Variants in PAN3 observed in about 807,000 individuals in gnomAD.
PAN3 encodes PAN2-PAN3 deadenylation complex subunit PAN3.
Under a neutral mutation model 96.2 loss-of-function variants are expected in PAN3, and 19 were observed. That is an observed-to-expected ratio of 0.20 (90% CI 0.14 to 0.29). The LOEUF (loss-of-function observed/expected upper bound fraction) is 0.29. Among genes scored for constraint, PAN3 ranks in the 10% least tolerant of loss-of-function variants. PAN3 has a pLI of 1.00. For synonymous variants in PAN3, 433 were observed against 406.6 expected (o/e 1.06, Z -0.78); for missense variants, 882 against 1,108.1 (o/e 0.80, Z 2.90).
Position 28,194,360 on chromosome 13 carries a change from G to T in PAN3, c.691-2825G>T, listed in dbSNP as rs1394638534. Among the ~76,000 whole-genome samples the T allele has an allele frequency of 2.7e-5, 4 of 149,396 alleles. No individual in the cohort carries two copies. In the East Asian group the frequency reaches 5.8e-4, roughly 22 times the overall value. On this transcript the variant is annotated intron_variant, in intron 4 of 18. Transcript: ENST00000380958. ...TGTTGAACTTTCCTGATAGAACAAG[G>T]TTAATTTTAGCTCAGAAATTTTCTT...
chr13:28,267,535 AGTT>A, intron 12 of PAN3, 134 bp downstream of exon 12: 2 of 729,030 alleles, frequency 2.7e-6, no homozygotes, highest in South Asian at 3.9e-5. Context: ...ATTTTGTACT[AGTT>A]GTTTTCATGT....
Position 28,262,136 on chromosome 13 carries a change from T to C in PAN3, c.1411+678T>C, listed in dbSNP as rs78257645. ...TTTCTCACAAACATCCTGTGACATA[T>C]TATTTTCATTTCCATTTTACATATG... On this transcript the variant is annotated intron_variant, in intron 9 of 18. Transcript: ENST00000380958. Among the ~76,000 whole-genome samples the C allele has an allele frequency of 9.0e-4, 137 of 152,308 alleles. 3 individuals carry two copies. In the East Asian group the frequency reaches 0.02, roughly 22 times the overall value.
At chr13:28,200,975 G>A (rs893232878) in intron 5 of PAN3, among the ~76,000 whole-genome samples, 1 of 151,778 alleles carries the variant, frequency 6.6e-6, no homozygotes, top group African/African-American at 2.4e-5. Context: ...AAATCCAGCA[G>A]TTTTATTGAG....
At chr13:28,174,435 C>A (rs771018812) in intron 2 of PAN3, 42 bp downstream of exon 2, 2 of 1,593,812 alleles carry the variant, frequency 1.3e-6, no homozygotes, top group African/African-American at 2.7e-5. Flanking sequence ...GAAGTTTATT[C>A]TAGGGCCAGA....
At chr13:28,243,844 A>G (rs976770357) in intron 6 of PAN3, among the ~76,000 whole-genome samples, 1 of 151,970 alleles carries the variant, frequency 6.6e-6, no homozygotes, top group Admixed American at 6.6e-5. Context: ...GTGCGCCACC[A>G]CGCCCAACTA....
rs140751273 is a variant in PAN3 at position 28,267,551 on chromosome 13, C to T, written c.1792+150C>T. 2.1e-3 allele frequency: 1,415 copies of T among 670,926 alleles called. 15 individuals carry two copies. The East Asian group carries it at 0.026, about 12-fold the overall frequency. The allele number at this position is 670,926 out of a possible 1,614,324, so 41.6% of individuals were successfully genotyped here. On this transcript the variant is annotated intron_variant, in intron 12 of 18. Coordinates refer to ENST00000380958, the MANE Select transcript of PAN3 (RefSeq NM_175854.8). ...TTTTGTACTAGTTGTTTTCATGTTC[C>T]TGATAAAGACATACCCGAGACTGGG...
chr13:28,187,028 G>A (rs977630793), intron 4 of PAN3, among the ~76,000 whole-genome samples: 5 of 151,812 alleles, frequency 3.3e-5, no homozygotes, highest in Non-Finnish European at 5.9e-5. Flanking sequence ...GGTAAGACCC[G>A]TCTTTAAAAA....
chr13:28,141,759 C>T lies in PAN3; in HGVS notation c.430+2672C>T, dbSNP rs895033562. 5.9e-5 allele frequency among the ~76,000 whole-genome samples: 9 copies of T among 152,070 alleles called. No homozygotes were observed. In the Middle Eastern group the frequency reaches 0.01, roughly 172 times the overall value. On this transcript the variant is annotated intron_variant, in intron 1 of 18. Transcript: ENST00000380958. ...ACTGGCGGGAGCCACCGCACCTGGC[C>T]GAGGATTTTCTAATTAACACACAAT...
At chr13:28,189,612 T>G (rs1178566172) in intron 4 of PAN3, among the ~76,000 whole-genome samples, 1 of 152,176 alleles carries the variant, frequency 6.6e-6, no homozygotes, top group African/African-American at 2.4e-5. Flanking sequence ...GCTGAATTTT[T>G]AAACCCCTAC....
intron 1 of PAN3, among the ~76,000 whole-genome samples, chr13:28,139,903 G>A (rs1442174716): frequency 6.6e-6 from 1 of 152,080 alleles, no homozygotes; most frequent in Non-Finnish European, 1.5e-5. Flanking sequence ...CTTGGGTGGG[G>A]ACATCTTAAG....
intron 4 of PAN3, among the ~76,000 whole-genome samples, chr13:28,196,505 G>C (rs757671349): frequency 6.0e-5 from 9 of 150,068 alleles, no homozygotes; most frequent in Non-Finnish European, 8.9e-5. Flanking sequence ...TTATCAATCT[G>C]TTCATATTAT....
At chr13:28,152,600 CAA>C (rs971899614) in intron 1 of PAN3, among the ~76,000 whole-genome samples, 3 of 149,858 alleles carry the variant, frequency 2.0e-5, no homozygotes, top group African/African-American at 7.4e-5. Flanking sequence ...AACCAAAAAA[CAA>C]AAAAAAATGT....
chr13:28,194,466 ATTT>A (rs1284832933), intron 4 of PAN3, among the ~76,000 whole-genome samples: 10 of 122,112 alleles, frequency 8.2e-5, no homozygotes, highest in African/African-American at 3.6e-4. Flanking sequence ...ATATATATAT[ATTT>A]TTTTTTTTTT....
Position 28,141,008 on chromosome 13 carries a change from T to TATTTTTTA in PAN3, c.430+1921_430+1922insATTTTTTA, listed in dbSNP as rs201496284. On this transcript the variant is annotated intron_variant, in intron 1 of 18. Transcript: ENST00000380958. ...CTTACTGACAGAAAGAGACACTTTT[T>TATTTTTTA]TTTTTTTTTTTTTTGAGACGGAGGC... is the stretch of plus-strand genomic sequence containing the variant. Among the ~76,000 whole-genome samples the TATTTTTTA allele has an allele frequency of 1.1e-3, 144 of 128,604 alleles. 1 individual carries two copies. The highest frequency in any genetic ancestry group is 3.7e-3 in the African/African-American group (132 of 35,514). 84.4% of individuals were successfully genotyped at this position (128,604 alleles called of 152,430 possible).
chr13:28,239,711 C>G, intron 6 of PAN3: 1 of 1,257,330 alleles, frequency 8.0e-7, no homozygotes, highest in Non-Finnish European at 1.0e-6. Flanking sequence ...GTTTGTTTAA[C>G]TGAAGGGATT....
intron 5 of PAN3, among the ~76,000 whole-genome samples, chr13:28,200,130 C>T (rs1388659130): frequency 6.6e-6 from 1 of 152,178 alleles, no homozygotes; most frequent in Non-Finnish European, 1.5e-5. Context: ...AATCTCTTTA[C>T]TTCTATGTGC....
intron 5 of PAN3, 134 bp from the exon 6 acceptor site, chr13:28,220,097 A>G: frequency 1.2e-6 from 1 of 841,152 alleles, no homozygotes; most frequent in Non-Finnish European, 1.7e-6. Context: ...AAAATATGGA[A>G]CCGAAAACAC....
chr13:28,278,252 A>G (rs1593624755), intron 15 of PAN3, among the ~76,000 whole-genome samples: 1 of 152,246 alleles, frequency 6.6e-6, no homozygotes, highest in Non-Finnish European at 1.5e-5. Context: ...ACTGGCATAA[A>G]TGTCCTACTT....
At chr13:28,278,376 TCCTAG>T (rs1887219894) in intron 15 of PAN3, among the ~76,000 whole-genome samples, 1 of 152,206 alleles carries the variant, frequency 6.6e-6, no homozygotes, top group African/African-American at 2.4e-5. Flanking sequence ...CAACAGTGAT[TCCTAG>T]CCTTAGTTTG....
Sources: allele counts gnomAD v4.1 joint callset (sites outside exome capture counted in the v4.1 genomes callset), GRCh38; gene constraint gnomAD v4.1.1; transcripts MANE v1.5; gene names NCBI Gene and HGNC (gene_info 2026-07-23, HGNC 2026-07-21).